Variants in DNAI3 observed in about 807,000 individuals in gnomAD.
DNAI3 encodes the protein WD repeat domain 63.
A neutral mutation model predicts 115.5 loss-of-function variants in DNAI3; 83 were observed. That is an observed-to-expected ratio of 0.72 (90% CI 0.60 to 0.86). The LOEUF is 0.86. Among genes scored for constraint, DNAI3 ranks in the 40% least tolerant of loss-of-function variants. The pLI is 0.00. For synonymous variants in DNAI3, 320 were observed against 347.0 expected, an observed-to-expected ratio of 0.92 and a Z score of 0.86; for missense variants, 1,004 against 1,075.8, an observed-to-expected ratio of 0.93 and a Z score of 0.93.
chr1:85,071,623 G>A (rs1654277017), intron 1 of DNAI3, among the ~76,000 whole-genome samples: 1 of 152,206 alleles, frequency 6.6e-6, no homozygotes, highest in African/African-American at 2.4e-5. Flanking sequence ...GAGAGGCGGG[G>A]AAGCCAAGTC....
In DNAI3 at chr1:85,095,992, T is replaced by C. The variant is rs752010279; in HGVS notation, c.1235T>C (p.Ile412Thr). 5.0e-6 allele frequency: 8 copies of C among 1,613,942 alleles called. No homozygotes were observed. Among genetic ancestry groups the C allele is most frequent in the Non-Finnish European group, 6.8e-6 (8 of 1,179,852 alleles). ...CFKFCPSDPN[I>T]IAGGCINGQI... ...AAGTTCTGTCCGAGTGATCCTAATATCATTGCTGGAGGCTGTATCAATGGG... is the reference window on the plus strand; with the variant it reads ...AAGTTCTGTCCGAGTGATCCTAATACCATTGCTGGAGGCTGTATCAATGGG... The change falls in exon 11 of 23, where the codon ATC becomes ACC. Residue 412 changes from isoleucine (I) to threonine (T), a missense_variant. Physicochemically the swap from Ile to Thr is moderately conservative, Grantham distance 89 (BLOSUM62 -1). Transcript: ENST00000294664.
intron 14 of DNAI3, among the ~76,000 whole-genome samples, chr1:85,106,775 C>A (rs1655501296): frequency 1.3e-5 from 2 of 152,188 alleles, no homozygotes; most frequent in Non-Finnish European, 2.9e-5. Flanking sequence ...CAAGACAATT[C>A]AATGGATAAA....
At chr1:85,066,746 G>A (rs906234161) in intron 1 of DNAI3, among the ~76,000 whole-genome samples, 15 of 151,922 alleles carry the variant, frequency 9.9e-5, no homozygotes, top group Non-Finnish European at 1.9e-4. Flanking sequence ...TTTTTCATAA[G>A]CTTTTAATAT....
intron 9 of DNAI3, chr1:85,093,925 G>A: frequency 5.3e-6 from 3 of 565,444 alleles, no homozygotes; most frequent in South Asian, 3.1e-5. Flanking sequence ...ATGGCATAAG[G>A]CAGAGTCTGG....
chr1:85,104,120 CTTTTTT>C (rs1203756791), intron 13 of DNAI3, among the ~76,000 whole-genome samples: 2 of 133,518 alleles, frequency 1.5e-5, no homozygotes, highest in Non-Finnish European at 3.2e-5. Context: ...GTGGTATGTC[CTTTTTT>C]TTTTTTTTTT....
At chr1:85,066,163 A>G (rs1654089106) in intron 1 of DNAI3, among the ~76,000 whole-genome samples, 1 of 152,168 alleles carries the variant, frequency 6.6e-6, no homozygotes, top group Non-Finnish European at 1.5e-5. Context: ...ATTTTTAATA[A>G]AAATGCTTAA....
intron 7 of DNAI3, among the ~76,000 whole-genome samples, chr1:85,088,479 T>C (rs534545737): frequency 6.6e-6 from 1 of 152,280 alleles, no homozygotes; most frequent in South Asian, 2.1e-4. Context: ...AAGTAGGATA[T>C]GTGATTATAT....
At chr1:85,098,081 T>C (rs949004735) in intron 12 of DNAI3, among the ~76,000 whole-genome samples, 10 of 152,216 alleles carry the variant, frequency 6.6e-5, no homozygotes, top group African/African-American at 2.2e-4. Flanking sequence ...TACATCATAT[T>C]TGATGATAAT....
intron 5 of DNAI3, among the ~76,000 whole-genome samples, chr1:85,082,857 G>T (rs1032666220): frequency 6.6e-6 from 1 of 152,134 alleles, no homozygotes; most frequent in Non-Finnish European, 1.5e-5. Context: ...CGTTGACCTC[G>T]TGAGAGAGGA....
intron 13 of DNAI3, among the ~76,000 whole-genome samples, chr1:85,102,015 C>T (rs1047099160): frequency 3.3e-5 from 5 of 151,526 alleles, no homozygotes; most frequent in African/African-American, 4.8e-5. Context: ...GGCAACATGG[C>T]GAAACCCCGT....
At chr1:85,119,832 G>C (rs1655939168) in intron 17 of DNAI3, among the ~76,000 whole-genome samples, 1 of 152,076 alleles carries the variant, frequency 6.6e-6, no homozygotes, top group Non-Finnish European at 1.5e-5. Context: ...TGAGTAGCTG[G>C]AATTACAGGC....
chr1:85,109,393 A>G (rs1571189367), intron 15 of DNAI3, among the ~76,000 whole-genome samples: 2 of 152,228 alleles, frequency 1.3e-5, no homozygotes, highest in African/African-American at 4.8e-5. Context: ...AAATAATTGG[A>G]AAGAGAAGAT....
At chr1:85,069,141 G>A (rs2100552455) in intron 1 of DNAI3, among the ~76,000 whole-genome samples, 1 of 152,322 alleles carries the variant, frequency 6.6e-6, no homozygotes, top group East Asian at 1.9e-4. Flanking sequence ...TTTGCCTGTA[G>A]TCTTTCCCTG....
chr1:85,089,004 C>A (rs533518059), intron 7 of DNAI3, among the ~76,000 whole-genome samples: 24 of 152,246 alleles, frequency 1.6e-4, no homozygotes, highest in African/African-American at 5.5e-4. Context: ...ATTCTAAAAA[C>A]TCCCTTTACC....
chr1:85,078,946 AGTGT>A (rs1207040416), intron 3 of DNAI3, among the ~76,000 whole-genome samples: 2 of 152,354 alleles, frequency 1.3e-5, no homozygotes, highest in Admixed American at 6.5e-5. Context: ...TAGAATTCGA[AGTGT>A]GTGTTTAGTA....
chr1:85,109,852 G>C (rs764629146), intron 15 of DNAI3, among the ~76,000 whole-genome samples, 196 bp from the exon 16 acceptor site: 14 of 152,090 alleles, frequency 9.2e-5, no homozygotes, highest in Non-Finnish European at 1.8e-4. Context: ...CCTTTCTGTA[G>C]CTGGGTTTAG....
intron 3 of DNAI3, among the ~76,000 whole-genome samples, chr1:85,075,067 C>T (rs572082482): frequency 1.3e-5 from 2 of 152,070 alleles, no homozygotes; most frequent in Non-Finnish European, 2.9e-5. Flanking sequence ...TTATTTTCTT[C>T]TTTTTTTGTA....
chr1:85,091,671 A>G (rs948243785), intron 8 of DNAI3, among the ~76,000 whole-genome samples: 2 of 152,216 alleles, frequency 1.3e-5, no homozygotes, highest in Non-Finnish European at 2.9e-5. Flanking sequence ...GGGAAGCATT[A>G]TTTGCAAAAG....
chr1:85,084,553 A>T lies in DNAI3; in HGVS notation c.398A>T (p.Glu133Val). Residue 133 changes from glutamate (E) to valine (V), a missense_variant, in exon 6 of 23, where the codon GAA becomes GTA. By Grantham distance (121) the Glu-to-Val change is moderately radical. Coordinates refer to ENST00000294664, the MANE Select transcript of DNAI3 (RefSeq NM_145172.5). ...CTATTTATTTTACTTTAGCCCCCAG[A>T]AGTACCAGAAGAACAAGAAGAATAT... ...EGKENYLNPP[E>V]VPEEQEEYKE... The T allele has an allele frequency of 1.4e-6, 2 of 1,448,846 alleles. No homozygotes were observed. Among genetic ancestry groups the T allele is most frequent in the Non-Finnish European group, 1.8e-6 (2 of 1,096,530 alleles). The allele number at this position is 1,448,846 out of a possible 1,614,324, so 89.7% of individuals were successfully genotyped here.
Sources: gnomAD v4.1 joint callset for allele counts (sites outside exome capture counted in the v4.1 genomes callset) on GRCh38, gnomAD v4.1.1 for gene constraint, MANE v1.5 for transcripts, NCBI Gene and HGNC (gene_info 2026-07-23, HGNC 2026-07-21) for gene names.